The following TFAP2D variants were observed in gnomAD, a reference collection of about 807,000 sequenced individuals.
TFAP2D encodes the protein transcription factor AP-2-delta.
In TFAP2D, 9 loss-of-function variants were observed where a neutral mutation model predicts 43.6. That is an observed-to-expected ratio of 0.21 (90% confidence interval 0.12 to 0.36). The LOEUF (loss-of-function observed/expected upper bound fraction) is 0.36. TFAP2D is among the 10% of genes least tolerant of loss of function. The pLI is 1.00. For missense variants in TFAP2D, 513 were observed against 561.4 expected, an observed-to-expected ratio of 0.91 and a Z score of 0.87; for synonymous variants, 256 against 224.9, an observed-to-expected ratio of 1.14 and a Z score of -1.24.
At chr6:50,766,824 G>C (rs925547148) in intron 7 of TFAP2D, among the ~76,000 whole-genome samples, 10 of 150,998 alleles carry the variant, frequency 6.6e-5, no homozygotes, top group African/African-American at 2.4e-4. Flanking sequence ...GCCCGCCACC[G>C]CGCCTGGCTA....
intron 2 of TFAP2D, 151 bp from the exon 3 acceptor site, chr6:50,718,939 G>A (rs1205751069): frequency 1.4e-6 from 1 of 703,706 alleles, no homozygotes; most frequent in African/African-American, 1.8e-5. Context: ...AAAAAATTGT[G>A]TTTGCTGGCA....
chr6:50,730,741 C>G (rs1321303798), intron 5 of TFAP2D, among the ~76,000 whole-genome samples: 3 of 152,102 alleles, frequency 2.0e-5, no homozygotes, highest in Non-Finnish European at 2.9e-5. Flanking sequence ...GTGCCTAGGT[C>G]TCATTCCCAA....
intron 5 of TFAP2D, among the ~76,000 whole-genome samples, chr6:50,730,947 A>G (rs1768884827): frequency 6.6e-6 from 1 of 152,098 alleles, no homozygotes; most frequent in African/African-American, 2.4e-5. Flanking sequence ...ATCCCAGTAA[A>G]GACTTTTCTC....
At chr6:50,768,677 C>G (rs1769479540) in intron 7 of TFAP2D, among the ~76,000 whole-genome samples, 1 of 152,148 alleles carries the variant, frequency 6.6e-6, no homozygotes. Flanking sequence ...ATAAATTTCA[C>G]TGAAAACTGC....
intron 3 of TFAP2D, among the ~76,000 whole-genome samples, chr6:50,727,033 T>A (rs554644405): frequency 4.7e-4 from 71 of 152,350 alleles, no homozygotes; most frequent in Admixed American, 4.6e-3. Context: ...GAACAGGTTT[T>A]CAGACACTGT....
At chr6:50,768,218 T>TA (rs200212678) in intron 7 of TFAP2D, among the ~76,000 whole-genome samples, 3 of 151,058 alleles carry the variant, frequency 2.0e-5, no homozygotes, top group African/African-American at 7.2e-5. Flanking sequence ...TAGTCTTATT[T>TA]TTTTTTTTTT....
At chr6:50,738,245 G>A (rs1049026176) in intron 5 of TFAP2D, among the ~76,000 whole-genome samples, 1 of 152,012 alleles carries the variant, frequency 6.6e-6, no homozygotes, top group Non-Finnish European at 1.5e-5. Flanking sequence ...TGATTTGTAA[G>A]TTTTCAGTCT....
chr6:50,741,572 A>T lies in TFAP2D; in HGVS notation c.884-3535A>T, dbSNP rs546022177. On this transcript the variant is annotated intron_variant, in intron 5 of 7. Coordinates refer to ENST00000008391, the MANE Select transcript of TFAP2D (RefSeq NM_172238.4). ...CTGTTCCTGTGTTAGTTTGCTAAGGATGCTGGCCTAAGACCTAAAGACAGA... is the reference window on the plus strand; with the variant it reads ...CTGTTCCTGTGTTAGTTTGCTAAGGTTGCTGGCCTAAGACCTAAAGACAGA... 2.0e-5 allele frequency among the ~76,000 whole-genome samples: 3 copies of T among 152,250 alleles called. No homozygotes were observed. The East Asian group carries it at 5.8e-4, about 29-fold the overall frequency.
At chr6:50,743,509 G>A (rs1365964766) in intron 5 of TFAP2D, among the ~76,000 whole-genome samples, 1 of 151,948 alleles carries the variant, frequency 6.6e-6, no homozygotes, top group Admixed American at 6.6e-5. Context: ...AGACTCCTGA[G>A]TGGCTAGGGA....
chr6:50,740,990 C>G (rs1389264611), intron 5 of TFAP2D, among the ~76,000 whole-genome samples: 1 of 152,034 alleles, frequency 6.6e-6, no homozygotes, highest in Non-Finnish European at 1.5e-5. Flanking sequence ...AATGAATTCT[C>G]TAAAATCAAC....
At chr6:50,757,481 A>ATATATATATAATATATATAATTATTC (rs1482253904) in intron 7 of TFAP2D, among the ~76,000 whole-genome samples, 2 of 96,202 alleles carry the variant, frequency 2.1e-5, no homozygotes, top group East Asian at 3.0e-4. Context: ...TAATTATTCT[A>ATATATATATAATATATATAATTATTC]TATATATATA....
chr6:50,768,312 C>T, intron 7 of TFAP2D, among the ~76,000 whole-genome samples: 1 of 93,408 alleles, frequency 1.1e-5, no homozygotes. Flanking sequence ...TTATTCCTCT[C>T]TCCTTTTCTT....
chr6:50,756,913 C>G (rs1346341708), intron 7 of TFAP2D, among the ~76,000 whole-genome samples: 1 of 151,830 alleles, frequency 6.6e-6, no homozygotes, highest in Non-Finnish European at 1.5e-5. Context: ...GTTAGGAATT[C>G]CCCTCTTTGA....
intron 2 of TFAP2D, among the ~76,000 whole-genome samples, chr6:50,716,840 C>T (rs1005645279): frequency 2.0e-5 from 3 of 152,086 alleles, no homozygotes; most frequent in Non-Finnish European, 4.4e-5. Context: ...TCCCTTGTTG[C>T]GCACAAAAAA....
intron 7 of TFAP2D, among the ~76,000 whole-genome samples, chr6:50,755,523 A>T (rs2113888432): frequency 6.6e-6 from 1 of 151,806 alleles, no homozygotes; most frequent in South Asian, 2.1e-4. Context: ...TATCTATGTT[A>T]TTTTTAAAAC....
chr6:50,772,446 TC>T (rs1303052312), intron 7 of TFAP2D, among the ~76,000 whole-genome samples, 198 bp from the exon 8 acceptor site: 1 of 152,162 alleles, frequency 6.6e-6, no homozygotes, highest in Non-Finnish European at 1.5e-5. Context: ...CGACAAGTCT[TC>T]CAAACTGGTC....
At chr6:50,729,607 G>A (rs1042071469) in intron 5 of TFAP2D, among the ~76,000 whole-genome samples, 8 of 152,228 alleles carry the variant, frequency 5.3e-5, no homozygotes, top group African/African-American at 9.6e-5. Flanking sequence ...AATTGGCAGC[G>A]CTCTTGTCAT....
At chr6:50,716,546 T>C (rs1473500696) in intron 2 of TFAP2D, among the ~76,000 whole-genome samples, 1 of 152,192 alleles carries the variant, frequency 6.6e-6, no homozygotes, top group African/African-American at 2.4e-5. Context: ...AATCAGATGA[T>C]CTCTCTTCTA....
chr6:50,758,009 A>C (rs1769313362), intron 7 of TFAP2D, among the ~76,000 whole-genome samples: 1 of 151,044 alleles, frequency 6.6e-6, no homozygotes, highest in Non-Finnish European at 1.5e-5. Flanking sequence ...TAATATCTCA[A>C]TTGGGTCCTG....
Sources: allele counts gnomAD v4.1 joint callset (sites outside exome capture counted in the v4.1 genomes callset), GRCh38; gene constraint gnomAD v4.1.1; transcripts MANE v1.5; gene names NCBI Gene and HGNC (gene_info 2026-07-23, HGNC 2026-07-21).